Variants in CUBN observed in about 807,000 individuals in gnomAD.
CUBN encodes the protein cubilin.
Under a neutral mutation model 405.3 loss-of-function variants are expected in CUBN, and 282 were observed. That is an observed-to-expected ratio of 0.70 (90% CI 0.63 to 0.77). The LOEUF (loss-of-function observed/expected upper bound fraction) is 0.77, where lower values mean the gene tolerates loss of function less well. CUBN is among the 30% of genes least tolerant of loss of function. CUBN has a pLI of 0.00. For synonymous variants in CUBN, 1,684 were observed against 1,617.0 expected (o/e 1.04, Z -0.99); for missense variants, 4,514 against 4,475.2 (o/e 1.01, Z -0.25).
chr10:17,001,066 A>G (rs1247027433), intron 28 of CUBN, among the ~76,000 whole-genome samples: 1 of 152,042 alleles, frequency 6.6e-6, no homozygotes, highest in Admixed American at 6.5e-5. Flanking sequence ...TCAGGTGTCA[A>G]GCTGCAGACC....
chr10:16,928,082 T>C (rs1842243534), intron 41 of CUBN, 75 bp downstream of exon 41: 2 of 1,527,436 alleles, frequency 1.3e-6, no homozygotes, highest in Non-Finnish European at 1.8e-6. Context: ...AAACATTATA[T>C]TAGGAAGAGA....
intron 20 of CUBN, 22 bp downstream of exon 20, chr10:17,068,583 A>T (rs1338063068): frequency 6.3e-7 from 1 of 1,594,368 alleles, no homozygotes; most frequent in East Asian, 2.2e-5. Context: ...AGGAGGAAAA[A>T]AAAAAGGGAA....
intron 43 of CUBN, among the ~76,000 whole-genome samples, chr10:16,925,001 T>C (rs1350049844): frequency 1.3e-5 from 2 of 152,308 alleles, no homozygotes; most frequent in Middle Eastern, 3.4e-3. Flanking sequence ...TGGTCACTAA[T>C]TAGGTATGTG....
At chr10:16,963,752 A>G (rs557711125) in intron 31 of CUBN, among the ~76,000 whole-genome samples, 16 of 152,352 alleles carry the variant, frequency 1.1e-4, no homozygotes, top group African/African-American at 3.6e-4. Flanking sequence ...ATGCATTACA[A>G]TGCAGAAAAT....
In CUBN at chr10:16,984,264, C is replaced by A. The variant is rs377730376; in HGVS notation, c.4366G>T (p.Asp1456Tyr). The change falls in exon 30 of 67, where the codon GAT becomes TAT. Residue 1456 changes from aspartate to tyrosine, a missense_variant. Physicochemically the swap from Asp to Tyr is radical, Grantham distance 160 (BLOSUM62 -3). Around this residue, in one of 5 missense-constraint regions of CUBN, gnomAD observed 1,613 missense variants for 1,542.8 expected, o/e 1.05. Coordinates refer to ENST00000377833, the MANE Select transcript of CUBN (RefSeq NM_001081.4). ...FDVLEIYGGP[D>Y]FHSPRIAQLC... The stretch of plus-strand genomic sequence containing the variant: ...TGGGCTATTCTGGGAGAGTGGAAAT[C>A]GGGGCCTCCATAGATCTAACATGGG... The A allele has an allele frequency of 3.7e-6, 6 of 1,613,868 alleles. No homozygotes were observed. The Admixed American group carries it at 6.7e-5, about 18-fold the overall frequency.
In CUBN at chr10:16,913,965, A is replaced by G. The variant is rs143783280; in HGVS notation, c.7379T>C (p.Ile2460Thr). 1.4e-5 allele frequency: 23 copies of G among 1,614,112 alleles called. No homozygotes were observed. The highest frequency in any genetic ancestry group is 1.7e-5 in the Admixed American group (1 of 60,024). Reference protein sequence around the residue: ...EECGGDLQGSIGTFTSPNYPN... With the variant: ...EECGGDLQGSTGTFTSPNYPN... ...GTAGTTGGGAGAAGTAAATGTTCCA[A>G]TAGAGCCCTGAAGATCCCCACCACA... Residue 2460 changes from isoleucine to threonine, a missense_variant, in exon 48 of 67, where the codon ATT (isoleucine) becomes ACT (threonine). Ile to Thr is a moderately conservative substitution (Grantham distance 89, BLOSUM62 -1). This residue lies in a region of CUBN where 1,613 missense variants were observed against 1,542.8 expected (regional missense o/e 1.05). Transcript: ENST00000377833.
chr10:16,843,408 A>G (rs557498360), intron 60 of CUBN, among the ~76,000 whole-genome samples: 7 of 152,338 alleles, frequency 4.6e-5, no homozygotes, highest in South Asian at 2.1e-4. Context: ...AGGATTATGT[A>G]AGACAGGAAT....
In CUBN at chr10:17,122,895, G is replaced by A. The variant is rs1260960546; in HGVS notation, c.493C>T (p.Pro165Ser). The change falls in exon 6 of 67, where the codon CCT becomes TCT. Residue 165 changes from proline (P) to serine (S), a missense_variant. Pro to Ser is a moderately conservative substitution (Grantham distance 74). Around this residue, in one of 5 missense-constraint regions of CUBN, gnomAD observed 1,448 missense variants for 1,388.0 expected, o/e 1.04. Coordinates refer to ENST00000377833, the MANE Select transcript of CUBN (RefSeq NM_001081.4). ...FCICPPQWKG[P>S]LCSADVNECE... ...TCGTTAACATCAGCTGAGCAGAGAG[G>A]ACCCTGTGATCATATAAGGAACAAA... 6.2e-7 allele frequency: 1 copy of A among 1,612,272 alleles called. No individual in the cohort carries two copies. The highest frequency in any genetic ancestry group is 8.5e-7 in the Non-Finnish European group (1 of 1,178,462).
Position 16,927,630 on chromosome 10 carries a change from T to A in CUBN, c.6271+527A>T, listed in dbSNP as rs146961447. Among the ~76,000 whole-genome samples, 396 of 152,326 alleles carry A rather than the reference T, an allele frequency of 2.6e-3. 2 individuals are homozygous for A. The highest frequency in any genetic ancestry group is 9.2e-3 in the African/African-American group (383 of 41,578). On this transcript the variant is annotated intron_variant, in intron 41 of 66. Coordinates refer to ENST00000377833, the MANE Select transcript of CUBN (RefSeq NM_001081.4). The stretch of plus-strand genomic sequence containing the variant: ...TTTAAGGCTGTTACTGGACTTCACA[T>A]GTCAAGTTTGAAAAGTCTCAATCAT...
intron 31 of CUBN, among the ~76,000 whole-genome samples, chr10:16,971,173 A>C (rs952447449): frequency 1.3e-5 from 2 of 152,178 alleles, no homozygotes; most frequent in African/African-American, 2.4e-5. Flanking sequence ...TTTGCTAATA[A>C]CTCTGTCTAA....
At chr10:17,112,752 T>G (rs1836800452) in intron 8 of CUBN, among the ~76,000 whole-genome samples, 1 of 151,810 alleles carries the variant, frequency 6.6e-6, no homozygotes, top group Admixed American at 6.6e-5. Flanking sequence ...GCAATAGGTG[T>G]GTGGGGTTTC....
chr10:16,988,440 G>A (rs1192298949), intron 29 of CUBN, among the ~76,000 whole-genome samples: 1 of 152,160 alleles, frequency 6.6e-6, no homozygotes, highest in African/African-American at 2.4e-5. Context: ...CTTCCGTGAA[G>A]ACTTTCCAGT....
chr10:17,072,818 T>G (rs988587254), intron 17 of CUBN, among the ~76,000 whole-genome samples: 15 of 152,118 alleles, frequency 9.9e-5, no homozygotes, highest in South Asian at 2.1e-4. Flanking sequence ...GTGAAATCTA[T>G]GTACAACTCT....
intron 20 of CUBN, among the ~76,000 whole-genome samples, 155 bp from the exon 21 acceptor site, chr10:17,068,435 A>G (rs1000586424): frequency 4.6e-5 from 7 of 151,782 alleles, no homozygotes; most frequent in African/African-American, 1.5e-4. Flanking sequence ...ATTAATAAGT[A>G]ACAATTAACT....
In CUBN at chr10:16,888,575, G is replaced by A. The variant is rs776153206; in HGVS notation, c.8756-9C>T. The A allele has an allele frequency of 1.2e-6, 2 of 1,610,904 alleles. No homozygotes were observed. Among genetic ancestry groups the A allele is most frequent in the Non-Finnish European group, 1.7e-6 (2 of 1,177,356 alleles). On this transcript the variant is annotated splice_polypyrimidine_tract_variant and intron_variant, in intron 55 of 66. Coordinates refer to ENST00000377833, the MANE Select transcript of CUBN (RefSeq NM_001081.4). The stretch of plus-strand genomic sequence containing the variant: ...GAAATTACTTCCACATCCTATGTGG[G>A]AACAAAAAGTCATCATCAGATCATT...
At chr10:17,035,039 T>A (rs1834864533) in intron 27 of CUBN, among the ~76,000 whole-genome samples, 1 of 151,392 alleles carries the variant, frequency 6.6e-6, no homozygotes, top group African/African-American at 2.4e-5. Context: ...GACTAAGGTT[T>A]TGGGGATTCA....
At position 16,877,069 on chromosome 10, in the gene CUBN, G is replaced by A; in HGVS notation, c.8934C>T (p.Val2978=). ...EARSAVTGSC[V]NDGVHIIRGY... Reference sequence around the variant, plus strand: ...CTCTGATAATGTGCACGCCATCGTTGACACAGCTTCCCGTCACAGCGGAAC... The same window carrying A: ...CTCTGATAATGTGCACGCCATCGTTAACACAGCTTCCCGTCACAGCGGAAC... Residue 2978 remains valine (V), a synonymous_variant, in exon 57 of 67, where the codon GTC becomes GTT. Transcript: ENST00000377833. 2 of 1,613,934 alleles carry A rather than the reference G, an allele frequency of 1.2e-6. No homozygotes were observed. The highest frequency in any genetic ancestry group is 2.2e-5 in the South Asian group (2 of 91,046).
At chr10:16,968,442 G>T (rs748826282) in intron 31 of CUBN, among the ~76,000 whole-genome samples, 1 of 152,024 alleles carries the variant, frequency 6.6e-6, no homozygotes, top group Non-Finnish European at 1.5e-5. Context: ...ACCAGGCTCT[G>T]TTAGCCCTCG....
rs1801234 is a variant in CUBN, at chr10:16,937,662, T to C, written c.5856A>G (p.Ser1952=). 716,573 of 1,612,408 alleles carry C rather than the reference T, an allele frequency of 0.44. 163,719 individuals are homozygous for C. Among genetic ancestry groups the C allele is most frequent in the African/African-American group, 0.7 (52,767 of 74,878 alleles). Residue 1952 remains serine (S), a synonymous_variant, in exon 39 of 67, where the codon TCA becomes TCG. Transcript: ENST00000377833. ...ACCACTCCAGAAGGAATCCCTTCCC[T>C]GAGATTGAAGAGTCGGAGTAAAAAT... The part of the protein sequence containing the change: ...TFHFYSDSSI[S]GKGFLLEWFA...
Sources: allele counts gnomAD v4.1 joint callset (sites outside exome capture counted in the v4.1 genomes callset), GRCh38; gene constraint gnomAD v4.1.1; regional missense constraint gnomAD v4.1.1; transcripts MANE v1.5; gene names NCBI Gene and HGNC (gene_info 2026-07-23, HGNC 2026-07-21).